Variants in C12orf42 observed in about 807,000 individuals in gnomAD.
C12orf42 encodes the protein uncharacterized protein C12orf42.
Under a neutral mutation model 21.6 loss-of-function variants are expected in C12orf42, and 25 were observed. The ratio of observed to expected loss-of-function variants is 1.16; its 90% CI spans 0.84 to 1.62. C12orf42 has a LOEUF of 1.62. Among genes scored for constraint, C12orf42 ranks in the 40% most tolerant of loss-of-function variants. The pLI is 0.00. For synonymous variants in C12orf42, 174 were observed against 175.0 expected (o/e 0.99, Z 0.05); for missense variants, 483 against 459.3 (o/e 1.05, Z -0.47).
the C12orf42 span, among the ~76,000 whole-genome samples, chr12:103,070,291 C>T: frequency 1.0e-3 from 152 of 152,046 alleles, no homozygotes; most frequent in African/African-American, 3.5e-3. Flanking sequence ...TGTTTGTATC[C>T]CTATGAGTTT....
the C12orf42 span, among the ~76,000 whole-genome samples, chr12:103,215,004 TC>T: frequency 1.3e-5 from 2 of 152,188 alleles, no homozygotes; most frequent in Non-Finnish European, 2.9e-5. Context: ...AAGAATATTC[TC>T]TATATACCAA....
At chr12:103,361,435 G>C (rs559638334) in intron 4 of C12orf42, among the ~76,000 whole-genome samples, 3 of 152,196 alleles carry the variant, frequency 2.0e-5, no homozygotes, top group Admixed American at 1.3e-4. Flanking sequence ...CTTGGGGAGG[G>C]CTGCCAGAGG....
chr12:103,522,223 C>T, the C12orf42 span, among the ~76,000 whole-genome samples: 2 of 152,152 alleles, frequency 1.3e-5, no homozygotes, highest in African/African-American at 4.8e-5. Flanking sequence ...TCCCCTTTTG[C>T]TTGGCTCTCA....
At chr12:103,340,828 A>T (rs552815093) in intron 4 of C12orf42, among the ~76,000 whole-genome samples, 122 of 152,256 alleles carry the variant, frequency 8.0e-4, no homozygotes, top group Non-Finnish European at 1.6e-3. Context: ...AAGACACAGC[A>T]ATAGGCTGGG....
intron 2 of C12orf42, among the ~76,000 whole-genome samples, chr12:103,447,031 A>G (rs989781618): frequency 6.6e-6 from 1 of 152,022 alleles, no homozygotes; most frequent in African/African-American, 2.4e-5. Context: ...TATTTGCAGA[A>G]CATTCTATGC....
the C12orf42 span, among the ~76,000 whole-genome samples, chr12:103,115,281 C>A: frequency 2.0e-5 from 3 of 152,122 alleles, no homozygotes; most frequent in African/African-American, 7.2e-5. Flanking sequence ...CATAAAATAA[C>A]CTGGACATCT....
At chr12:103,490,951 G>A (rs1015899726) in intron 1 of C12orf42, among the ~76,000 whole-genome samples, 1 of 152,086 alleles carries the variant, frequency 6.6e-6, no homozygotes, top group Non-Finnish European at 1.5e-5. Context: ...TTAAATGTGT[G>A]CATAGGGTTT....
chr12:103,405,003 A>G (rs547025307), intron 2 of C12orf42, among the ~76,000 whole-genome samples: 144 of 152,372 alleles, frequency 9.5e-4, no homozygotes, highest in African/African-American at 3.3e-3. Flanking sequence ...GAAGGCCACA[A>G]TATCTCAGTA....
the C12orf42 span, among the ~76,000 whole-genome samples, chr12:103,182,071 TA>T: frequency 5.0e-4 from 75 of 150,350 alleles, 1 homozygote; most frequent in Admixed American, 4.1e-3. Flanking sequence ...CTCGTGTTTT[TA>T]TTTTGTTTTA....
At position 103,456,795 on chromosome 12, in the gene C12orf42, T is replaced by C. The variant is rs2137583736; in HGVS notation, c.78+21554A>G. On this transcript the variant is annotated intron_variant, in intron 2 of 5. Coordinates refer to ENST00000548883, the MANE Select transcript of C12orf42 (RefSeq NM_198521.5). ...TCCTTCTGAACCCATCTATCTTCTT[T>C]CTTTTGGAAATTCCCCACCAATTCA... Among the ~76,000 whole-genome samples the C allele has an allele frequency of 1.3e-5, 2 of 152,296 alleles. 1 individual carries two copies. The highest frequency in any genetic ancestry group is 4.1e-4 in the South Asian group (2 of 4,832).
At chr12:103,268,491 T>A (rs1330901696), downstream of C12orf42, 1 of 117,822 alleles carries the variant, frequency 8.5e-6, no homozygotes, top group Non-Finnish European at 1.6e-5. Flanking sequence ...GAATTAATAA[T>A]TTTTCATTAA....
the C12orf42 span, among the ~76,000 whole-genome samples, chr12:103,537,088 C>CTGAATGAATGAATGAATGAATGAATGAA: frequency 6.6e-6 from 1 of 151,668 alleles, no homozygotes; most frequent in African/African-American, 2.4e-5. Context: ...TTACTATTTT[C>CTGAATGAATGAATGAATGAATGAATGAA]TGAATGAATG....
the C12orf42 span, among the ~76,000 whole-genome samples, chr12:103,519,062 T>A: frequency 6.6e-6 from 1 of 152,130 alleles, no homozygotes; most frequent in Non-Finnish European, 1.5e-5. Flanking sequence ...GTTCTCATGA[T>A]AGTGAGTGAG....
At chr12:103,372,126 A>G (rs1019293782) in intron 3 of C12orf42, among the ~76,000 whole-genome samples, 7 of 151,848 alleles carry the variant, frequency 4.6e-5, no homozygotes, top group Admixed American at 2.6e-4. Flanking sequence ...TTTCCTGTCA[A>G]CCTCACCCTC....
At chr12:103,261,087 A>T (rs1303022367) in intron 10 of C12orf42, among the ~76,000 whole-genome samples, 2 of 152,136 alleles carry the variant, frequency 1.3e-5, no homozygotes, top group African/African-American at 4.8e-5. Flanking sequence ...ATTTCATCTG[A>T]GTACACAAAC....
chr12:103,523,076 G>C, the C12orf42 span, among the ~76,000 whole-genome samples: 6 of 152,280 alleles, frequency 3.9e-5, no homozygotes, highest in Admixed American at 2.0e-4. Context: ...GTGCAGCAAG[G>C]CCATCTGCTA....
chr12:103,062,749 T>C, the C12orf42 span, among the ~76,000 whole-genome samples: 34 of 152,362 alleles, frequency 2.2e-4, no homozygotes, highest in African/African-American at 7.9e-4. Flanking sequence ...TACTTGGAGT[T>C]TGCAGCATTC....
chr12:103,398,005 C>G (rs1307691678), intron 3 of C12orf42, among the ~76,000 whole-genome samples: 2 of 152,080 alleles, frequency 1.3e-5, no homozygotes, highest in Non-Finnish European at 2.9e-5. Context: ...ACAGTCAGTG[C>G]ATTAAACAGA....
At chr12:103,273,801 T>A in intron 5 of C12orf42, 2 of 455,810 alleles carry the variant, frequency 4.4e-6, no homozygotes, top group South Asian at 3.1e-5. Context: ...CCTGATGACT[T>A]CATGGGTCTG....
Sources: gnomAD v4.1 joint callset for allele counts (sites outside exome capture counted in the v4.1 genomes callset) on GRCh38, gnomAD v4.1.1 for gene constraint, MANE v1.5 for transcripts, NCBI Gene and HGNC (gene_info 2026-07-23, HGNC 2026-07-21) for gene names.